TEX9: variants seen among roughly 807,000 people sequenced by gnomAD.
TEX9 encodes the protein testis-expressed protein 9.
In TEX9, 74 loss-of-function variants were observed where a neutral mutation model predicts 59.6. That is an observed-to-expected ratio of 1.24 (90% confidence interval 1.03 to 1.51). The LOEUF (loss-of-function observed/expected upper bound fraction) is 1.51. TEX9 is among the 40% of genes most tolerant of loss of function. The pLI, the probability that TEX9 is intolerant of heterozygous loss-of-function variation, is 0.00. For synonymous variants in TEX9, 186 were observed against 152.2 expected, an observed-to-expected ratio of 1.22 and a Z score of -1.64; for missense variants, 522 against 447.8, an observed-to-expected ratio of 1.17 and a Z score of -1.49.
chr15:56,356,499 C>G (rs2046687612), intron 1 of TEX9, among the ~76,000 whole-genome samples: 1 of 152,028 alleles, frequency 6.6e-6, no homozygotes, highest in South Asian at 2.1e-4. Flanking sequence ...CTTCCTAAAG[C>G]ATGTACTTTA....
chr15:56,394,323 A>G (rs1596173065), intron 8 of TEX9, 76 bp downstream of exon 8: 1 of 1,248,104 alleles, frequency 8.0e-7, no homozygotes, highest in Non-Finnish European at 1.1e-6. Context: ...CATTTTTTGA[A>G]TTACTTTATT....
intron 1 of TEX9, among the ~76,000 whole-genome samples, chr15:56,310,454 A>G (rs1365915491): frequency 1.3e-5 from 2 of 152,186 alleles, no homozygotes; most frequent in Admixed American, 1.3e-4. Context: ...CAAAACAAAA[A>G]AAGAAACTCT....
chr15:56,413,631 C>T (rs1287193299), intron 10 of TEX9, among the ~76,000 whole-genome samples: 1 of 151,622 alleles, frequency 6.6e-6, no homozygotes, highest in Non-Finnish European at 1.5e-5. Context: ...AAGTAAACGT[C>T]AGTAGAATTA....
intron 1 of TEX9, among the ~76,000 whole-genome samples, chr15:56,359,726 C>T (rs2046756401): frequency 6.6e-6 from 1 of 152,036 alleles, no homozygotes; most frequent in Admixed American, 6.6e-5. Context: ...CCTTCCTTAT[C>T]TGTATACTCC....
At chr15:56,338,025 GT>G (rs1339789295) in intron 1 of TEX9, among the ~76,000 whole-genome samples, 8 of 152,076 alleles carry the variant, frequency 5.3e-5, no homozygotes, top group Admixed American at 1.3e-4. Context: ...TTTCTTTCTA[GT>G]TAATTTTCCT....
chr15:56,331,773 GA>G (rs1399473762), intron 1 of TEX9, among the ~76,000 whole-genome samples: 1 of 151,344 alleles, frequency 6.6e-6, no homozygotes, highest in Non-Finnish European at 1.5e-5. Context: ...AAATTTACAA[GA>G]AAAAAACAAA....
intron 3 of TEX9, among the ~76,000 whole-genome samples, chr15:56,376,240 A>C (rs1011864241): frequency 2.0e-5 from 3 of 152,102 alleles, no homozygotes; most frequent in African/African-American, 7.2e-5. Flanking sequence ...AATAAAAAAA[A>C]GATATATTGA....
At chr15:56,281,104 G>T (rs534069524) in intron 1 of TEX9, among the ~76,000 whole-genome samples, 1 of 152,220 alleles carries the variant, frequency 6.6e-6, no homozygotes, top group East Asian at 1.9e-4. Flanking sequence ...CTTGCATATT[G>T]TCTTCAGCAT....
intron 1 of TEX9, among the ~76,000 whole-genome samples, chr15:56,246,081 G>T (rs1445540550): frequency 1.3e-5 from 2 of 152,140 alleles, no homozygotes; most frequent in African/African-American, 4.8e-5. Context: ...GAACCAAGAC[G>T]TTTTATAAAA....
chr15:56,412,713 A>G (rs1344901747), intron 10 of TEX9, among the ~76,000 whole-genome samples: 1 of 152,136 alleles, frequency 6.6e-6, no homozygotes, highest in African/African-American at 2.4e-5. Context: ...ACACTTTTCT[A>G]AGCTCTTAGA....
chr15:56,433,563 C>T (rs1441407518), intron 12 of TEX9, among the ~76,000 whole-genome samples: 2 of 152,128 alleles, frequency 1.3e-5, no homozygotes, highest in Non-Finnish European at 2.9e-5. Flanking sequence ...GATCCCTTAT[C>T]TATTTGCATG....
intron 1 of TEX9, among the ~76,000 whole-genome samples, chr15:56,300,736 A>AGAGAGAGG (rs1415977000): frequency 6.7e-6 from 1 of 150,010 alleles, no homozygotes; most frequent in African/African-American, 2.5e-5. Context: ...AGAGAGAGAG[A>AGAGAGAGG]GAGAGAGAGA....
intron 1 of TEX9, among the ~76,000 whole-genome samples, chr15:56,313,177 A>G (rs1265173666): frequency 2.6e-5 from 4 of 151,070 alleles, no homozygotes; most frequent in Non-Finnish European, 2.9e-5. Context: ...AACTTCCAAC[A>G]CTATGTTGAA....
chr15:56,270,209 T>A (rs1197391723), intron 1 of TEX9, among the ~76,000 whole-genome samples: 1 of 152,160 alleles, frequency 6.6e-6, no homozygotes, highest in African/African-American at 2.4e-5. Context: ...CTTGTTAACC[T>A]TCTGTCTCAT....
chr15:56,310,306 C>T (rs1296895208), intron 1 of TEX9, among the ~76,000 whole-genome samples: 7 of 152,112 alleles, frequency 4.6e-5, no homozygotes, highest in South Asian at 2.1e-4. Flanking sequence ...GTGGTGCATG[C>T]CTGTAATCCC....
the TEX9 span, among the ~76,000 whole-genome samples, chr15:56,451,685 G>C: frequency 6.6e-6 from 1 of 151,996 alleles, no homozygotes; most frequent in Non-Finnish European, 1.5e-5. Flanking sequence ...CTTTACAATG[G>C]TGAGAAAACC....
At chr15:56,315,003 G>A (rs1436049193) in intron 1 of TEX9, among the ~76,000 whole-genome samples, 1 of 150,876 alleles carries the variant, frequency 6.6e-6, no homozygotes, top group Non-Finnish European at 1.5e-5. Flanking sequence ...CATTTGCTTG[G>A]TAGATCTTCC....
intron 1 of TEX9, among the ~76,000 whole-genome samples, chr15:56,260,519 A>C (rs1252169698): frequency 3.3e-5 from 5 of 152,142 alleles, no homozygotes; most frequent in Admixed American, 6.5e-5. Context: ...TTTACATAAA[A>C]AAAGCAAATA....
intron 1 of TEX9, among the ~76,000 whole-genome samples, chr15:56,340,241 A>G (rs2046346301): frequency 6.6e-6 from 1 of 152,172 alleles, no homozygotes; most frequent in Non-Finnish European, 1.5e-5. Flanking sequence ...TGCTAAGTAT[A>G]TCCATTTCAA....
Sources: gnomAD v4.1 joint callset for allele counts (sites outside exome capture counted in the v4.1 genomes callset) on GRCh38, gnomAD v4.1.1 for gene constraint, MANE v1.5 for transcripts, NCBI Gene and HGNC (gene_info 2026-07-23, HGNC 2026-07-21) for gene names.